Variants in PLD1 observed in about 807,000 individuals in gnomAD.
PLD1 encodes the protein phospholipase D1.
In PLD1, 112 loss-of-function variants were observed where a neutral mutation model predicts 137.1. That is an observed-to-expected ratio of 0.82 (90% CI 0.70 to 0.96). The LOEUF is 0.96. Among genes scored for constraint, PLD1 ranks in the 40% least tolerant of loss-of-function variants. The pLI is 0.00. For missense variants in PLD1, 1,321 were observed against 1,342.0 expected (o/e 0.98, Z 0.24); for synonymous variants, 431 against 454.7 (o/e 0.95, Z 0.66).
chr3:171,729,137 G>A (rs1258574029), intron 6 of PLD1, among the ~76,000 whole-genome samples: 1 of 152,202 alleles, frequency 6.6e-6, no homozygotes, highest in Admixed American at 6.5e-5. Flanking sequence ...AGAATTTAAA[G>A]ATCAATTTAG....
intron 8 of PLD1, among the ~76,000 whole-genome samples, chr3:171,721,786 A>T (rs571181294): frequency 1.4e-5 from 2 of 147,256 alleles, no homozygotes; most frequent in Non-Finnish European, 3.0e-5. Flanking sequence ...TCCATCTCAG[A>T]AAAAAAAAAA....
At chr3:171,623,749 G>A (rs995118642) in intron 23 of PLD1, among the ~76,000 whole-genome samples, 2 of 152,002 alleles carry the variant, frequency 1.3e-5, no homozygotes, top group African/African-American at 4.8e-5. Flanking sequence ...AATACATAAG[G>A]AAAATTTGTA....
chr3:171,759,149 C>T lies in PLD1; in HGVS notation c.-31-21067G>A, dbSNP rs573407963. 5.3e-5 allele frequency among the ~76,000 whole-genome samples: 8 copies of T among 151,974 alleles called. No homozygotes were observed. In the South Asian group the frequency reaches 1.7e-3, roughly 32 times the overall value. On this transcript the variant is annotated intron_variant, in intron 1 of 26. Coordinates refer to ENST00000351298, the MANE Select transcript of PLD1 (RefSeq NM_002662.5). Reference sequence around the variant, plus strand: ...ACTAAGGCTAACAAACGAGCTTAAACTGGATTTAAATGAGTTTTTTTCAGT... The same window carrying T: ...ACTAAGGCTAACAAACGAGCTTAAATTGGATTTAAATGAGTTTTTTTCAGT...
chr3:171,612,438 A>C lies in PLD1; in HGVS notation c.2729-6T>G, dbSNP rs1441267160. 2.5e-6 allele frequency: 4 copies of C among 1,613,530 alleles called. No individual in the cohort carries two copies. Among genetic ancestry groups the C allele is most frequent in the Non-Finnish European group, 3.4e-6 (4 of 1,179,652 alleles). ...GTCATTTATGTTGGCAGAGCCTGTA[A>C]GGAGAAACAGTGAGGCTGAACAACC... is the stretch of plus-strand genomic sequence containing the variant. On this transcript the variant is annotated splice_region_variant and splice_polypyrimidine_tract_variant and intron_variant, in intron 24 of 26. Transcript: ENST00000351298. The surrounding 1 kb of genome is among the most constrained non-coding windows in gnomAD (Gnocchi z 4.1).
chr3:171,680,728 C>T (rs1713888614), intron 16 of PLD1, among the ~76,000 whole-genome samples: 1 of 152,176 alleles, frequency 6.6e-6, no homozygotes. Flanking sequence ...GAGATTTCTG[C>T]TGTCTGTGTG....
intron 24 of PLD1, among the ~76,000 whole-genome samples, chr3:171,616,733 A>C (rs1288740860): frequency 6.6e-6 from 1 of 152,156 alleles, no homozygotes. Flanking sequence ...CGGCCTCTAA[A>C]AGAATGCAAC....
In PLD1 at chr3:171,602,801, T is replaced by C. The variant is rs1731918202; in HGVS notation, c.*277A>G. ...GTTACAAAGGAAATGGATTTTGGTA[T>C]ACGGAATTTGAATATGTGTTTTACT... is the stretch of plus-strand genomic sequence containing the variant. On this transcript the variant is annotated 3_prime_UTR_variant, in exon 27 of 27. Transcript: ENST00000351298. 2.6e-6 allele frequency: 1 copy of C among 381,818 alleles called. No individual in the cohort carries two copies. The highest frequency in any genetic ancestry group is 4.7e-6 in the Non-Finnish European group (1 of 211,220). 23.7% of individuals were successfully genotyped at this position (381,818 alleles called of 1,614,324 possible).
At chr3:171,809,535 G>A (rs1386035920) in intron 1 of PLD1, 2 of 152,216 alleles carry the variant, frequency 1.3e-5, no homozygotes, top group Admixed American at 1.3e-4. Context: ...CATTTTGGAG[G>A]CAGACTTAGT....
chr3:171,724,619 TA>T, intron 8 of PLD1, 76 bp downstream of exon 8: 1 of 812,480 alleles, frequency 1.2e-6, no homozygotes. Context: ...ATTTATAATT[TA>T]AAACTGGTAT....
intron 1 of PLD1, among the ~76,000 whole-genome samples, chr3:171,739,900 C>T (rs1420112738): frequency 6.6e-6 from 1 of 152,126 alleles, no homozygotes; most frequent in East Asian, 1.9e-4. Context: ...TATGTAAGTG[C>T]TTTGGAATAG....
At chr3:171,679,155 T>C (rs1028204263) in intron 16 of PLD1, among the ~76,000 whole-genome samples, 1 of 152,212 alleles carries the variant, frequency 6.6e-6, no homozygotes, top group Non-Finnish European at 1.5e-5. Flanking sequence ...ATCTTCTCAC[T>C]GCCAGTAGCT....
At chr3:171,668,786 C>T (rs138358186) in intron 19 of PLD1, among the ~76,000 whole-genome samples, 5 of 152,306 alleles carry the variant, frequency 3.3e-5, no homozygotes, top group East Asian at 1.9e-4. Flanking sequence ...GATGCTGACA[C>T]GGCATTCAGC....
At chr3:171,711,733 T>C (rs1200824701) in intron 9 of PLD1, among the ~76,000 whole-genome samples, 1 of 151,462 alleles carries the variant, frequency 6.6e-6, no homozygotes, top group Non-Finnish European at 1.5e-5. Context: ...GCTGATTAGT[T>C]CTCTTTGGTA....
At chr3:171,765,687 G>A (rs940084698) in intron 1 of PLD1, among the ~76,000 whole-genome samples, 12 of 152,164 alleles carry the variant, frequency 7.9e-5, no homozygotes, top group Non-Finnish European at 8.8e-5. Flanking sequence ...TGAGGAAGGG[G>A]AAGTATGAAG....
chr3:171,783,199 G>A (rs564214281), intron 1 of PLD1, among the ~76,000 whole-genome samples: 2 of 152,204 alleles, frequency 1.3e-5, no homozygotes, highest in African/African-American at 4.8e-5. Flanking sequence ...TTGCCAGAGA[G>A]GGCTGAGTAT....
intron 16 of PLD1, among the ~76,000 whole-genome samples, chr3:171,678,017 C>T (rs188366228): frequency 2.0e-5 from 3 of 151,992 alleles, no homozygotes; most frequent in Non-Finnish European, 4.4e-5. Flanking sequence ...GAATAAAGAA[C>T]TCACAAGGTG....
chr3:171,677,840 T>G (rs1713548346), intron 16 of PLD1, 146 bp from the exon 17 acceptor site: 3 of 712,652 alleles, frequency 4.2e-6, no homozygotes, highest in Non-Finnish European at 6.7e-6. Context: ...TATTACAGGC[T>G]GTGGGCTAAC....
chr3:171,781,237 T>C (rs993095398), intron 1 of PLD1, among the ~76,000 whole-genome samples: 1 of 55,672 alleles, frequency 1.8e-5, no homozygotes, highest in Non-Finnish European at 3.9e-5. Flanking sequence ...TATTAACAAA[T>C]GATGGTAAAA....
At chr3:171,611,657 T>C (rs1171856989) in intron 25 of PLD1, 1 of 518,702 alleles carries the variant, frequency 1.9e-6, no homozygotes, top group Non-Finnish European at 3.8e-6. Context: ...GTTTCCACAT[T>C]TAAATTTTAC....
Sources: allele counts gnomAD v4.1 joint callset (sites outside exome capture counted in the v4.1 genomes callset), GRCh38; gene constraint gnomAD v4.1.1; non-coding constraint Gnocchi (gnomAD v3.1); transcripts MANE v1.5; gene names NCBI Gene and HGNC (gene_info 2026-07-23, HGNC 2026-07-21).